SERTAD1: variants seen among roughly 807,000 people sequenced by gnomAD.
The protein encoded by SERTAD1 is SERTA domain-containing protein 1.
In SERTAD1, 5 loss-of-function variants were observed where a neutral mutation model predicts 11.7. The observed-to-expected ratio is 0.43, with a 90% CI of 0.22 to 0.90. The LOEUF (loss-of-function observed/expected upper bound fraction) is 0.90. Among genes scored for constraint, SERTAD1 ranks in the 40% least tolerant of loss-of-function variants. SERTAD1 has a pLI of 0.27. For missense variants in SERTAD1, 287 were observed against 313.9 expected (o/e 0.91, Z 0.65); for synonymous variants, 139 against 141.4 (o/e 0.98, Z 0.12).
rs1010678046 is a variant in SERTAD1, at chr19:40,423,066, C to T, written c.481G>A (p.Ala161Thr). The T allele has an allele frequency of 3.8e-6, 6 of 1,582,002 alleles. No individual in the cohort carries two copies. In the African/African-American group the frequency reaches 8.1e-5, roughly 21 times the overall value. Reference protein sequence around the residue: ...SLGALDLLGPATGCLLDDGLE... With the variant: ...SLGALDLLGPTTGCLLDDGLE... ...CCATCGTCCAGTAGACAGCCAGTGG[C>T]TGGGCCCAGCAGGTCCAAGGCACCC... The change falls in exon 2 of 2, where the codon GCC becomes ACC. Residue 161 changes from alanine (A) to threonine (T), a missense_variant. Ala to Thr is a moderately conservative substitution (Grantham distance 58). Transcript: ENST00000357949.
chr19:40,423,305 A>G lies in SERTAD1; in HGVS notation c.242T>C (p.Met81Thr). 1.2e-6 allele frequency: 2 copies of G among 1,609,448 alleles called. No individual in the cohort carries two copies. Residue 81 changes from methionine (M) to threonine (T), a missense_variant, in exon 2 of 2, where the codon ATG becomes ACG. Transcript: ENST00000357949. ...VNTLRRIQASMAPAAALPPVP... is the reference protein window; with the variant it reads ...VNTLRRIQASTAPAAALPPVP... ...AGGTGGCAGGGCAGCCGCGGGTGCC[A>G]TGGACGCCTGGATGCGCCGCAGAGT...
intron 1 of SERTAD1, among the ~76,000 whole-genome samples, chr19:40,425,406 C>G (rs149994358): frequency 0.012 from 1,768 of 152,336 alleles, 24 homozygotes; most frequent in South Asian, 0.064. Flanking sequence ...ATTCCGCCCC[C>G]ACCCCCGACT....
Position 40,423,456 on chromosome 19 carries a change from T to C in SERTAD1, c.91A>G (p.Thr31Ala), listed in dbSNP as rs268687. ...GCCGGGGGTGCCTGTGCCACCGCTG[T>C]GTGGCCAGGATCTAGCCACCAGGAG... ...VDSWWLDPGH[T>A]AVAQAPPAVA... is the part of the protein sequence containing the mutation. Residue 31 changes from threonine to alanine, a missense_variant, in exon 2 of 2, where the codon ACA becomes GCA. Thr to Ala is a moderately conservative substitution (Grantham distance 58, BLOSUM62 0). Transcript: ENST00000357949. The C allele has an allele frequency of 0.52, 840,203 of 1,612,616 alleles. 226,562 individuals are homozygous for C. Among genetic ancestry groups the C allele is most frequent in the African/African-American group, 0.84 (63,160 of 75,002 alleles).
At position 40,422,858 on chromosome 19, in the gene SERTAD1, C is replaced by T. The variant is rs139610928; in HGVS notation, c.689G>A (p.Arg230Gln). Residue 230 changes from arginine (R) to glutamine (Q), a missense_variant, in exon 2 of 2, where the codon CGA becomes CAA. Coordinates refer to ENST00000357949, the MANE Select transcript of SERTAD1 (RefSeq NM_013376.4). Reference sequence around the variant, plus strand: ...GGCTCAGCGCCCTGGCCCCGGCGGTCGCTCCAGTGCCTGTGTGCCCACCAG... The same window carrying T: ...GGCTCAGCGCCCTGGCCCCGGCGGTTGCTCCAGTGCCTGTGTGCCCACCAG... ...DVLVGTQALE[R>Q]PPGPGR 290 of 1,603,288 alleles carry T rather than the reference C, an allele frequency of 1.8e-4. 1 individual carries two copies. Among genetic ancestry groups the T allele is most frequent in the Non-Finnish European group, 2.2e-4 (258 of 1,173,386 alleles).
chr19:40,422,153 T>C lies in SERTAD1; in HGVS notation c.*683A>G, dbSNP rs1599672473. 1 of 143,780 alleles carries C rather than the reference T, an allele frequency of 7.0e-6. No homozygotes were observed. Among genetic ancestry groups the C allele is most frequent in the Non-Finnish European group, 1.5e-5 (1 of 66,134 alleles). The allele number at this position is 143,780 out of a possible 1,614,324, so 8.9% of individuals were successfully genotyped here. Reference sequence around the variant, plus strand: ...AAAAAAAAGAAAGAAAAAAAAAAAGTGGCCTGGTAGGAGGATCGCTTGAGC... The same window carrying C: ...AAAAAAAAGAAAGAAAAAAAAAAAGCGGCCTGGTAGGAGGATCGCTTGAGC... On this transcript the variant is annotated 3_prime_UTR_variant, in exon 2 of 2. Coordinates refer to ENST00000357949, the MANE Select transcript of SERTAD1 (RefSeq NM_013376.4).
Position 40,423,605 on chromosome 19 carries a change from C to T in SERTAD1, c.1-59G>A. The T allele has an allele frequency of 3.5e-6, 4 of 1,137,340 alleles. No individual in the cohort carries two copies. In the South Asian group the frequency reaches 4.4e-5, roughly 13 times the overall value. The allele number at this position is 1,137,340 out of a possible 1,614,324, so 70.5% of individuals were successfully genotyped here. On this transcript the variant is annotated intron_variant, in intron 1 of 1. Coordinates refer to ENST00000357949, the MANE Select transcript of SERTAD1 (RefSeq NM_013376.4). ...AGTTATAGAAAACAAATGTTAAGTT[C>T]AAAGCCTGGATCTGACAGTTGCTGC...
Position 40,422,583 on chromosome 19 carries a change from A to G in SERTAD1, c.*253T>C. 1 of 449,058 alleles carries G rather than the reference A, an allele frequency of 2.2e-6. No individual in the cohort carries two copies. Among genetic ancestry groups the G allele is most frequent in the Non-Finnish European group, 3.9e-6 (1 of 254,410 alleles). 27.8% of individuals were successfully genotyped at this position (449,058 alleles called of 1,614,324 possible). On this transcript the variant is annotated 3_prime_UTR_variant, in exon 2 of 2. Transcript: ENST00000357949. ...TATCAGAGAAGGAACAGCCCAAGCT[A>G]TGACCCCAGGGCCAGGGAATTCAGT... is the stretch of plus-strand genomic sequence containing the variant.
chr19:40,424,175 C>CT (rs200131972), intron 1 of SERTAD1, among the ~76,000 whole-genome samples: 3 of 148,250 alleles, frequency 2.0e-5, no homozygotes. Context: ...TCAATAAGTA[C>CT]TTTTTTTTTT....
At chr19:40,425,054 G>T (rs1260980600) in intron 1 of SERTAD1, among the ~76,000 whole-genome samples, 6 of 152,122 alleles carry the variant, frequency 3.9e-5, no homozygotes, top group African/African-American at 1.4e-4. Context: ...CGTTTGGGAC[G>T]GACGATGGTG....
rs973840321 is a variant in SERTAD1, at chr19:40,425,910, C to A, written c.-44G>T. On this transcript the variant is annotated 5_prime_UTR_variant, in exon 1 of 2. Transcript: ENST00000357949. ...ATCAGAACGAAGAGGTAGCCACCCA[C>A]AACCAATCAGGAAACGGCGGCGGCA... 4.6e-5 allele frequency: 7 copies of A among 152,342 alleles called. No homozygotes were observed. The highest frequency in any genetic ancestry group is 8.8e-5 in the Non-Finnish European group (6 of 68,090). 9.4% of individuals were successfully genotyped at this position (152,342 alleles called of 1,614,324 possible).
rs753449567 is a variant in SERTAD1 at position 40,423,394 on chromosome 19, G to A, written c.153C>T (p.Leu51=). The stretch of plus-strand genomic sequence containing the variant: ...TCTGCTGCAGGCTGTGGTGGAGCTT[G>A]AGCACTGAGAGGTCAAAGAGGGAGC... The part of the protein sequence containing the change: ...ASSSLFDLSV[L]KLHHSLQQSE... The change falls in exon 2 of 2, where the codon CTC becomes CTT. Residue 51 remains leucine, a synonymous_variant. Transcript: ENST00000357949. The A allele has an allele frequency of 1.7e-5, 27 of 1,613,288 alleles. No homozygotes were observed. The highest frequency in any genetic ancestry group is 2.3e-5 in the Non-Finnish European group (27 of 1,180,028).
At chr19:40,424,454 TATA>T (rs1184590338) in intron 1 of SERTAD1, among the ~76,000 whole-genome samples, 9 of 152,120 alleles carry the variant, frequency 5.9e-5, no homozygotes, top group South Asian at 4.1e-4. Flanking sequence ...CTAAATAAGT[TATA>T]ATATTATAAA....
At chr19:40,424,896 G>A (rs980304532) in intron 1 of SERTAD1, among the ~76,000 whole-genome samples, 1 of 152,196 alleles carries the variant, frequency 6.6e-6, no homozygotes, top group Admixed American at 6.5e-5. Context: ...TCCTGAGTGT[G>A]GTGGGCAGTC....
chr19:40,423,140 G>A lies in SERTAD1; in HGVS notation c.407C>T (p.Ala136Val), dbSNP rs1200634689. The change falls in exon 2 of 2, where the codon GCA becomes GTA. Residue 136 changes from alanine to valine, a missense_variant. Transcript: ENST00000357949. Reference sequence around the variant, plus strand: ...GCTACGGCCTGGTGGCCCCTCGTCTGCCAAGGGTTGGGGAGCCTGACTCAG... The same window carrying A: ...GCTACGGCCTGGTGGCCCCTCGTCTACCAAGGGTTGGGGAGCCTGACTCAG... Reference protein sequence around the residue: ...EGLSQAPQPLADEGPPGRSIG... With the variant: ...EGLSQAPQPLVDEGPPGRSIG... 3 of 1,603,652 alleles carry A rather than the reference G, an allele frequency of 1.9e-6. No individual in the cohort carries two copies. Among genetic ancestry groups the A allele is most frequent in the Non-Finnish European group, 2.6e-6 (3 of 1,175,566 alleles).
At chr19:40,423,641 T>G in intron 1 of SERTAD1, 95 bp from the exon 2 acceptor site, 1 of 814,052 alleles carries the variant, frequency 1.2e-6, no homozygotes, top group Non-Finnish European at 1.9e-6. Flanking sequence ...AGGTAGGATC[T>G]TGGGGAAGTC....
At position 40,423,484 on chromosome 19, in the gene SERTAD1, G is replaced by A. The variant is rs748237161; in HGVS notation, c.63C>T (p.Val21=). Residue 21 remains valine, a synonymous_variant, in exon 2 of 2, where the codon GTC becomes GTT. Transcript: ENST00000357949. ...GGCCAGGATCTAGCCACCAGGAGTC[G>A]ACTGCCAGAGGTTCCTTCTCCTCCT... ...EEEEEKEPLA[V]DSWWLDPGHT... 18 of 1,612,630 alleles carry A rather than the reference G, an allele frequency of 1.1e-5. No individual in the cohort carries two copies. Among genetic ancestry groups the A allele is most frequent in the African/African-American group, 2.7e-5 (2 of 74,938 alleles).
chr19:40,425,402 C>T (rs747902409), intron 1 of SERTAD1, among the ~76,000 whole-genome samples: 8 of 152,200 alleles, frequency 5.3e-5, no homozygotes, highest in Non-Finnish European at 7.3e-5. Context: ...AGGAATTCCG[C>T]CCCCACCCCC....
At position 40,423,489 on chromosome 19, in the gene SERTAD1, C is replaced by T. The variant is rs1229272151; in HGVS notation, c.58G>A (p.Ala20Thr). The T allele has an allele frequency of 3.1e-6, 5 of 1,612,380 alleles. No individual in the cohort carries two copies. Among genetic ancestry groups the T allele is most frequent in the Non-Finnish European group, 4.2e-6 (5 of 1,179,840 alleles). The change falls in exon 2 of 2, where the codon GCA becomes ACA. Residue 20 changes from alanine to threonine, a missense_variant. Physicochemically the swap from Ala to Thr is moderately conservative, Grantham distance 58. Coordinates refer to ENST00000357949, the MANE Select transcript of SERTAD1 (RefSeq NM_013376.4). ...GGATCTAGCCACCAGGAGTCGACTGCCAGAGGTTCCTTCTCCTCCTCCTCC... is the reference window on the plus strand; with the variant it reads ...GGATCTAGCCACCAGGAGTCGACTGTCAGAGGTTCCTTCTCCTCCTCCTCC... ...REEEEEKEPL[A>T]VDSWWLDPGH... is the part of the protein sequence containing the mutation.
intron 1 of SERTAD1, among the ~76,000 whole-genome samples, chr19:40,425,198 G>A (rs1019256386): frequency 2.0e-5 from 3 of 152,100 alleles, no homozygotes; most frequent in African/African-American, 7.2e-5. Flanking sequence ...ATAAGTTTGA[G>A]GGTCCACTGT....
Sources: allele counts gnomAD v4.1 joint callset (sites outside exome capture counted in the v4.1 genomes callset), GRCh38; gene constraint gnomAD v4.1.1; transcripts MANE v1.5; gene names NCBI Gene and HGNC (gene_info 2026-07-23, HGNC 2026-07-21).